Variants in VPS13D observed in about 807,000 individuals in gnomAD.
The protein encoded by VPS13D is intermembrane lipid transfer protein VPS13D.
Under a neutral mutation model 461.9 loss-of-function variants are expected in VPS13D, and 187 were observed. The ratio of observed to expected loss-of-function variants is 0.40; its 90% CI spans 0.36 to 0.46. The LOEUF is 0.46. Ranked by LOEUF, VPS13D falls within the 20% of genes least tolerant of loss-of-function variation. The pLI, the probability that VPS13D is intolerant of heterozygous loss-of-function variation, is 0.60. For missense variants in VPS13D, 4,711 were observed against 5,364.9 expected, an observed-to-expected ratio of 0.88 and a Z score of 3.81; for synonymous variants, 1,951 against 1,986.3, an observed-to-expected ratio of 0.98 and a Z score of 0.47.
At chr1:12,400,132 G>C (rs1178697121) in intron 60 of VPS13D, 49 bp from the exon 61 acceptor site, 1 of 1,593,506 alleles carries the variant, frequency 6.3e-7, no homozygotes, top group South Asian at 1.1e-5. Context: ...TGAAAACTGA[G>C]CCACTGGTCT....
chr1:12,272,975 A>G (rs1004666200), intron 17 of VPS13D, 28 bp from the exon 18 acceptor site: 4 of 1,607,760 alleles, frequency 2.5e-6, no homozygotes, highest in East Asian at 4.5e-5. Flanking sequence ...TTCGGCAGTT[A>G]TGGTTAATGA....
chr1:12,317,591 C>T (rs1288498423), intron 30 of VPS13D, among the ~76,000 whole-genome samples: 1 of 151,650 alleles, frequency 6.6e-6, no homozygotes, highest in Non-Finnish European at 1.5e-5. Context: ...TAAAAAATGT[C>T]TCCAAGGGCC....
chr1:12,400,958 G>GCACACACACA (rs752200366), intron 61 of VPS13D, among the ~76,000 whole-genome samples: 8 of 80,480 alleles, frequency 9.9e-5, no homozygotes, highest in East Asian at 2.9e-4. Flanking sequence ...GCACCTGCGC[G>GCACACACACA]CGCGCACACA....
intron 37 of VPS13D, among the ~76,000 whole-genome samples, chr1:12,332,328 A>G (rs1643352375): frequency 6.6e-6 from 1 of 152,254 alleles, no homozygotes; most frequent in South Asian, 2.1e-4. Flanking sequence ...GAATGGATAA[A>G]TAAATTGTAT....
At chr1:12,431,784 C>T (rs1333036052) in intron 65 of VPS13D, among the ~76,000 whole-genome samples, 1 of 152,072 alleles carries the variant, frequency 6.6e-6, no homozygotes, top group Non-Finnish European at 1.5e-5. Flanking sequence ...CTTAAAGCAC[C>T]TTCTATTACT....
intron 1 of VPS13D, among the ~76,000 whole-genome samples, chr1:12,232,154 GAAA>G (rs56976053): frequency 6.6e-6 from 1 of 151,102 alleles, no homozygotes; most frequent in African/African-American, 2.4e-5. Context: ...TCCATTTGCA[GAAA>G]AAAAAATCTT....
chr1:12,301,897 T>C (rs544464464), intron 25 of VPS13D, among the ~76,000 whole-genome samples: 34 of 152,298 alleles, frequency 2.2e-4, no homozygotes, highest in Non-Finnish European at 3.8e-4. Context: ...TAAGACCAAA[T>C]ACAGTTATGG....
Position 12,473,454 on chromosome 1 carries a change from G to C in VPS13D, c.12662+13058G>C, listed in dbSNP as rs1645589147. On this transcript the variant is annotated intron_variant, in intron 67 of 69. Transcript: ENST00000620676. This position sits in a 1 kb window ranked among gnomAD's most constrained non-coding sequence, Gnocchi z 4.2. ...AAACAGGCCTACTGGGGAGTCGGTT[G>C]GCCCTGGGTTTGAGTCATTGGGCTG... Among the ~76,000 whole-genome samples the C allele has an allele frequency of 6.6e-6, 1 of 152,196 alleles. No homozygotes were observed.
intron 20 of VPS13D, among the ~76,000 whole-genome samples, chr1:12,282,050 G>A (rs1480650297): frequency 6.6e-6 from 1 of 151,988 alleles, no homozygotes; most frequent in Non-Finnish European, 1.5e-5. Flanking sequence ...ACCACACTCT[G>A]CTAATTTTGT....
rs942440097 is a variant in VPS13D at position 12,474,356 on chromosome 1, T to G, written c.12662+13960T>G. On this transcript the variant is annotated intron_variant, in intron 67 of 69. Coordinates refer to ENST00000620676, the MANE Select transcript of VPS13D (RefSeq NM_015378.4). ...ATGACAGTCCACTGTTCAGTATTATTTAAGGGTTTTAAATTGTAGAATCAG... is the reference window on the plus strand; with the variant it reads ...ATGACAGTCCACTGTTCAGTATTATGTAAGGGTTTTAAATTGTAGAATCAG... Among the ~76,000 whole-genome samples, 4 of 152,246 alleles carry G rather than the reference T, an allele frequency of 2.6e-5. No homozygotes were observed. The East Asian group carries it at 7.7e-4, about 29-fold the overall frequency.
intron 2 of VPS13D, among the ~76,000 whole-genome samples, chr1:12,239,289 A>G (rs1228639940): frequency 6.6e-6 from 1 of 152,036 alleles, no homozygotes; most frequent in African/African-American, 2.4e-5. Flanking sequence ...GGCATGTACC[A>G]CCATAGGTCC....
chr1:12,289,768 T>G (rs1642073402), intron 22 of VPS13D, among the ~76,000 whole-genome samples: 1 of 151,956 alleles, frequency 6.6e-6, no homozygotes, highest in Admixed American at 6.6e-5. Flanking sequence ...AGACCTCATC[T>G]CTACAAAAAT....
Position 12,373,096 on chromosome 1 carries a change from T to G in VPS13D, c.10809-654T>G, listed in dbSNP as rs59197428. ...TGGTCCCTTGAATTGTCTGGCTTGG[T>G]TTTTTTTTTTTTTTTTTTTTTTTTT... On this transcript the variant is annotated intron_variant, in intron 54 of 69. Coordinates refer to ENST00000620676, the MANE Select transcript of VPS13D (RefSeq NM_015378.4). Among the ~76,000 whole-genome samples, 17 of 70,558 alleles carry G rather than the reference T, an allele frequency of 2.4e-4. No homozygotes were observed. The East Asian group carries it at 6.3e-3, about 26-fold the overall frequency. 46.3% of individuals were successfully genotyped at this position (70,558 alleles called of 152,430 possible).
At chr1:12,400,962 G>GCGCGCGCACACACACACACACACACACA (rs1253464149) in intron 61 of VPS13D, among the ~76,000 whole-genome samples, 1 of 106,218 alleles carries the variant, frequency 9.4e-6, no homozygotes, top group African/African-American at 3.4e-5. Context: ...CTGCGCGCGC[G>GCGCGCGCACACACACACACACACACACA]CACACACACA....
chr1:12,265,779 A>G (rs1482788540), intron 13 of VPS13D, among the ~76,000 whole-genome samples: 2 of 152,232 alleles, frequency 1.3e-5, no homozygotes, highest in African/African-American at 4.8e-5. Context: ...TGAATGGATA[A>G]AGAGTTATTT....
At position 12,277,881 on chromosome 1, in the gene VPS13D, G is replaced by A. The variant is rs766080739; in HGVS notation, c.4293G>A (p.Leu1431=). ...RLQVEIKDIK[L]YSLNCTQLAG... ...AGGTGGAAATCAAGGACATTAAACT[G>A]TATTCTTTGAATTGCACCCAGTTGG... Residue 1431 remains leucine (L), a synonymous_variant, in exon 19 of 70, where the codon CTG becomes CTA. Coordinates refer to ENST00000620676, the MANE Select transcript of VPS13D (RefSeq NM_015378.4). The A allele has an allele frequency of 1.2e-6, 2 of 1,614,030 alleles. No individual in the cohort carries two copies. Among genetic ancestry groups the A allele is most frequent in the African/African-American group, 1.3e-5 (1 of 74,918 alleles).
At chr1:12,309,633 G>GT (rs1218445499) in intron 27 of VPS13D, among the ~76,000 whole-genome samples, 1 of 151,444 alleles carries the variant, frequency 6.6e-6, no homozygotes, top group Non-Finnish European at 1.5e-5. Flanking sequence ...ATGGTGGCGT[G>GT]TGCCTGTAAT....
At chr1:12,464,887 A>G (rs1410391398) in intron 67 of VPS13D, 2 of 152,270 alleles carry the variant, frequency 1.3e-5, no homozygotes, top group African/African-American at 2.4e-5. Flanking sequence ...CTTCTGGCCT[A>G]CGTGTATTGG....
At position 12,388,270 on chromosome 1, in the gene VPS13D, G is replaced by T. The variant is rs558404211; in HGVS notation, c.11634+1936G>T. Among the ~76,000 whole-genome samples, 286 of 152,250 alleles carry T rather than the reference G, an allele frequency of 1.9e-3. 1 individual carries two copies. The highest frequency in any genetic ancestry group is 6.4e-3 in the African/African-American group (267 of 41,558). On this transcript the variant is annotated intron_variant, in intron 60 of 69. Transcript: ENST00000620676. ...ACAAAGAGTTATAACTAATAATTCA[G>T]CAAAGGAGATAAAATGAAATTAGGC... is the stretch of plus-strand genomic sequence containing the variant.
Sources: gnomAD v4.1 joint callset for allele counts (sites outside exome capture counted in the v4.1 genomes callset) on GRCh38, gnomAD v4.1.1 for gene constraint, Gnocchi (gnomAD v3.1) non-coding constraint, MANE v1.5 for transcripts, NCBI Gene and HGNC (gene_info 2026-07-23, HGNC 2026-07-21) for gene names.